Variants in ELMO1 observed in about 807,000 individuals in gnomAD.
ELMO1 encodes the protein engulfment and cell motility 1, also known as engulfment and cell motility protein 1.
Under a neutral mutation model 98.9 loss-of-function variants are expected in ELMO1, and 26 were observed. The ratio of observed to expected loss-of-function variants is 0.26; its 90% CI spans 0.19 to 0.36. The LOEUF (loss-of-function observed/expected upper bound fraction) is 0.36. Among genes scored for constraint, ELMO1 ranks in the 10% least tolerant of loss-of-function variants. ELMO1 has a pLI of 1.00. For missense variants in ELMO1, 627 were observed against 935.2 expected (o/e 0.67, Z 4.30); for synonymous variants, 346 against 346.0 (o/e 1.00, Z 0.00).
intron 13 of ELMO1, 61 bp from the exon 14 acceptor site, chr7:37,133,295 A>G: frequency 7.6e-7 from 1 of 1,324,410 alleles, no homozygotes; most frequent in South Asian, 1.3e-5. Context: ...CAACCACCAG[A>G]GATCTGATTT....
chr7:37,128,993 C>G (rs75995995), intron 14 of ELMO1, among the ~76,000 whole-genome samples: 1 of 152,040 alleles, frequency 6.6e-6, no homozygotes, highest in Admixed American at 6.5e-5. Flanking sequence ...AGGAAGTCTT[C>G]TTCAGACAGA....
At chr7:37,195,829 G>T (rs1791931800) in intron 13 of ELMO1, among the ~76,000 whole-genome samples, 1 of 152,182 alleles carries the variant, frequency 6.6e-6, no homozygotes, top group Non-Finnish European at 1.5e-5. Context: ...AAGTCACAGG[G>T]AAGGCTGCAG....
chr7:37,067,462 T>C (rs530047496), intron 15 of ELMO1, among the ~76,000 whole-genome samples: 1 of 152,352 alleles, frequency 6.6e-6, no homozygotes, highest in African/African-American at 2.4e-5. Context: ...ATATTCTAAT[T>C]ATTGTATTAT....
intron 16 of ELMO1, among the ~76,000 whole-genome samples, chr7:36,976,640 T>C (rs1194249339): frequency 1.3e-5 from 2 of 152,196 alleles, no homozygotes; most frequent in Non-Finnish European, 2.9e-5. Flanking sequence ...TTATATACTT[T>C]GAGCAACACA....
chr7:37,372,754 T>C (rs1329889889), intron 1 of ELMO1, among the ~76,000 whole-genome samples: 3 of 152,242 alleles, frequency 2.0e-5, no homozygotes, highest in Admixed American at 6.5e-5. Context: ...CTAGTTTACA[T>C]ATTTAAAGGA....
intron 13 of ELMO1, among the ~76,000 whole-genome samples, chr7:37,177,667 G>A (rs748566508): frequency 1.7e-4 from 26 of 152,292 alleles, no homozygotes; most frequent in Non-Finnish European, 3.4e-4. Flanking sequence ...TGTACCTAAT[G>A]AGAGAAAGCT....
At chr7:37,123,190 T>C (rs575585497) in intron 14 of ELMO1, among the ~76,000 whole-genome samples, 4 of 152,092 alleles carry the variant, frequency 2.6e-5, no homozygotes, top group African/African-American at 9.6e-5. Flanking sequence ...GCAGGAAAGA[T>C]CCAAAATTGA....
At chr7:37,402,405 G>T (rs978769170) in intron 1 of ELMO1, among the ~76,000 whole-genome samples, 1 of 152,074 alleles carries the variant, frequency 6.6e-6, no homozygotes, top group Non-Finnish European at 1.5e-5. Context: ...GGTTTTTCGT[G>T]GGGTAAAGGG....
rs1281819433 is a variant in ELMO1 at position 36,853,780 on chromosome 7, AAT to A, written c.*1769_*1770del. Among the ~76,000 whole-genome samples, 1 of 152,192 alleles carries A rather than the reference AAT, an allele frequency of 6.6e-6. No individual in the cohort carries two copies. Among genetic ancestry groups the A allele is most frequent in the Non-Finnish European group, 1.5e-5 (1 of 68,044 alleles). On this transcript the variant is annotated 3_prime_UTR_variant, in exon 22 of 22. Transcript: ENST00000310758. ...GAGTGGCTGGTGCTGTGCCACGCTT[AAT>A]ACTGCATGCTTGGACCCTTCTGACA...
At chr7:37,053,408 G>A (rs1417741898) in intron 15 of ELMO1, among the ~76,000 whole-genome samples, 1 of 151,790 alleles carries the variant, frequency 6.6e-6, no homozygotes, top group Non-Finnish European at 1.5e-5. Context: ...ATCTTCTAGA[G>A]TTATATGCAG....
chr7:36,965,202 T>C (rs766054374), intron 16 of ELMO1, among the ~76,000 whole-genome samples: 7 of 152,176 alleles, frequency 4.6e-5, no homozygotes, highest in Non-Finnish European at 1.0e-4. Context: ...TCTTAATGTA[T>C]TCATGGCATC....
chr7:37,110,679 C>G (rs979967047), intron 14 of ELMO1, among the ~76,000 whole-genome samples: 4 of 152,078 alleles, frequency 2.6e-5, no homozygotes, highest in African/African-American at 9.7e-5. Context: ...ATCATTTCAC[C>G]GGCTCACCTA....
chr7:37,188,487 TAAAAAAAA>T (rs869157346), intron 13 of ELMO1, among the ~76,000 whole-genome samples: 1 of 32,048 alleles, frequency 3.1e-5, no homozygotes, highest in East Asian at 1.2e-3. Context: ...TGGAGAAAGG[TAAAAAAAA>T]AAAAAAAATA....
At chr7:37,283,886 C>T (rs1330265290) in intron 4 of ELMO1, among the ~76,000 whole-genome samples, 1 of 152,220 alleles carries the variant, frequency 6.6e-6, no homozygotes, top group African/African-American at 2.4e-5. Context: ...CTTTGAAGAA[C>T]CCTGGGGGAC....
chr7:37,433,763 T>C (rs1002359516), intron 1 of ELMO1, among the ~76,000 whole-genome samples: 3 of 152,156 alleles, frequency 2.0e-5, no homozygotes, highest in Non-Finnish European at 4.4e-5. Flanking sequence ...TGAGTCTTTA[T>C]GTCCCTGAAA....
intron 1 of ELMO1, among the ~76,000 whole-genome samples, chr7:37,361,341 G>T (rs530008491): frequency 6.6e-6 from 1 of 152,296 alleles, no homozygotes; most frequent in East Asian, 1.9e-4. Flanking sequence ...AACAATAGAA[G>T]TAAATCCGGA....
chr7:37,172,901 C>T (rs1167508551), intron 13 of ELMO1, among the ~76,000 whole-genome samples: 4 of 152,154 alleles, frequency 2.6e-5, no homozygotes, highest in Admixed American at 6.5e-5. Context: ...AACTAGCAGA[C>T]GGCTCTTACT....
At chr7:37,292,183 C>G (rs1797727601) in intron 4 of ELMO1, among the ~76,000 whole-genome samples, 1 of 117,480 alleles carries the variant, frequency 8.5e-6, no homozygotes, top group African/African-American at 2.7e-5. Context: ...CTCCTAACCG[C>G]GAGTGATCCG....
chr7:37,071,142 T>A (rs1167102239), intron 15 of ELMO1, among the ~76,000 whole-genome samples: 1 of 152,164 alleles, frequency 6.6e-6, no homozygotes, highest in African/African-American at 2.4e-5. Context: ...AGGGTAAGTT[T>A]TACTGTATAA....
Sources: gnomAD v4.1 joint callset for allele counts (sites outside exome capture counted in the v4.1 genomes callset) on GRCh38, gnomAD v4.1.1 for gene constraint, MANE v1.5 for transcripts, NCBI Gene and HGNC (gene_info 2026-07-23, HGNC 2026-07-21) for gene names.